The following TRIP12 variants were observed in gnomAD, a reference collection of about 807,000 sequenced individuals.
TRIP12 encodes the protein E3 ubiquitin-protein ligase TRIP12.
A neutral mutation model predicts 244.2 loss-of-function variants in TRIP12; 25 were observed. The ratio of observed to expected loss-of-function variants is 0.10; its 90% CI spans 0.07 to 0.14. The LOEUF is 0.14. TRIP12 is among the 10% of genes least tolerant of loss of function. The pLI, the probability that TRIP12 is intolerant of heterozygous loss-of-function variation, is 1.00. For synonymous variants in TRIP12, 905 were observed against 873.1 expected, an observed-to-expected ratio of 1.04 and a Z score of -0.64; for missense variants, 1,677 against 2,486.4, an observed-to-expected ratio of 0.67 and a Z score of 6.92.
In TRIP12 at chr2:229,767,635, C is replaced by T. The variant is rs747909233; in HGVS notation, c.6123G>A (p.Pro2041=). ...GCATTATCTCAATGCTTGAATAGTC[C>T]GGCAACTTAAGATAGTTCACACAAG... The part of the protein sequence containing the change: ...VMTCVNYLKL[P]DYSSIEIMRE... The change falls in exon 42 of 42, where the codon CCG becomes CCA. Residue 2041 remains proline (P), a synonymous_variant. Transcript: ENST00000675903. 3.7e-5 allele frequency: 59 copies of T among 1,613,954 alleles called. No homozygotes were observed. The highest frequency in any genetic ancestry group is 2.8e-4 in the Admixed American group (17 of 59,994).
chr2:229,878,921 A>G (rs2064230468), intron 2 of TRIP12, among the ~76,000 whole-genome samples: 1 of 151,368 alleles, frequency 6.6e-6, no homozygotes, highest in Non-Finnish European at 1.5e-5. Context: ...ATATGCATTC[A>G]TGGTTATGGC....
chr2:229,904,202 GA>G (rs1221667954), intron 1 of TRIP12, among the ~76,000 whole-genome samples: 10 of 152,082 alleles, frequency 6.6e-5, no homozygotes, highest in Non-Finnish European at 1.5e-4. Flanking sequence ...TGGATCACCT[GA>G]GGTCAGAAGT....
At chr2:229,793,260 A>G in intron 26 of TRIP12, 115 bp from the exon 27 acceptor site, 1 of 1,012,332 alleles carries the variant, frequency 9.9e-7, no homozygotes, top group Non-Finnish European at 1.4e-6. Flanking sequence ...ACTAGTACTA[A>G]GCATTTACTT....
chr2:229,783,087 C>G (rs1286088855), intron 34 of TRIP12, among the ~76,000 whole-genome samples: 1 of 152,222 alleles, frequency 6.6e-6, no homozygotes, highest in Non-Finnish European at 1.5e-5. Flanking sequence ...GCAAGCTATA[C>G]AACTGGCGGG....
intron 5 of TRIP12, among the ~76,000 whole-genome samples, chr2:229,837,446 C>T (rs1391778337): frequency 6.6e-6 from 1 of 152,032 alleles, no homozygotes; most frequent in Non-Finnish European, 1.5e-5. Context: ...ACCAGCCTGA[C>T]CAACATGATG....
intron 2 of TRIP12, among the ~76,000 whole-genome samples, chr2:229,871,446 C>T (rs1021331291): frequency 6.6e-6 from 1 of 152,154 alleles, no homozygotes; most frequent in Non-Finnish European, 1.5e-5. Context: ...AATGCCAATG[C>T]CCTTGGGGTG....
intron 26 of TRIP12, among the ~76,000 whole-genome samples, chr2:229,793,782 C>T (rs903460671): frequency 6.6e-6 from 1 of 152,014 alleles, no homozygotes; most frequent in Non-Finnish European, 1.5e-5. Context: ...CCACAGGCCA[C>T]ATGCAGCCCA....
In TRIP12 at chr2:229,900,238, G is replaced by A. The variant is rs913503703; in HGVS notation, c.-49-20110C>T. ...AAACAGAAACCTGGTAAATTGTTTC[G>A]CAAAAAGTAGAGTCATCACTATACT... On this transcript the variant is annotated intron_variant, in intron 1 of 41. Transcript: ENST00000675903. 5.3e-5 allele frequency among the ~76,000 whole-genome samples: 8 copies of A among 152,092 alleles called. No homozygotes were observed. In the East Asian group the frequency reaches 7.7e-4, roughly 15 times the overall value.
At chr2:229,844,774 G>A (rs1334298423) in intron 4 of TRIP12, among the ~76,000 whole-genome samples, 1 of 152,210 alleles carries the variant, frequency 6.6e-6, no homozygotes, top group African/African-American at 2.4e-5. Context: ...AATAATTACT[G>A]TTATCTTCCA....
In TRIP12 at chr2:229,778,864, G is replaced by C. The variant is rs1475656122; in HGVS notation, c.5209+12C>G. 1.2e-6 allele frequency: 2 copies of C among 1,610,176 alleles called. No individual in the cohort carries two copies. The highest frequency in any genetic ancestry group is 1.7e-5 in the Admixed American group (1 of 59,972). ...AGTAACACAAACCAACTAACTTACA[G>C]ATAGGCATTACCTTTTGGATTGCTA... On this transcript the variant is annotated intron_variant, in intron 35 of 41. Coordinates refer to ENST00000675903, the MANE Select transcript of TRIP12 (RefSeq NM_001348323.3). The surrounding 1 kb of genome is among the most constrained non-coding windows in gnomAD (Gnocchi z 4.1).
intron 1 of TRIP12, among the ~76,000 whole-genome samples, chr2:229,905,427 C>T (rs1000726725): frequency 2.6e-5 from 4 of 152,114 alleles, no homozygotes; most frequent in Non-Finnish European, 5.9e-5. Context: ...AAACGTTATA[C>T]ACAATAATGA....
chr2:229,894,208 T>C (rs546864341), intron 1 of TRIP12: 1 of 152,294 alleles, frequency 6.6e-6, no homozygotes, highest in South Asian at 2.1e-4. Context: ...CTTATTATTG[T>C]TCTAATACGT....
At chr2:229,891,331 G>A (rs1038566786) in intron 1 of TRIP12, among the ~76,000 whole-genome samples, 1 of 152,194 alleles carries the variant, frequency 6.6e-6, no homozygotes, top group Non-Finnish European at 1.5e-5. Context: ...AAGCTGAGGT[G>A]GGAGGACTGC....
intron 5 of TRIP12, among the ~76,000 whole-genome samples, chr2:229,839,268 C>T (rs1052869730): frequency 1.1e-4 from 16 of 152,182 alleles, no homozygotes; most frequent in Non-Finnish European, 2.1e-4. Flanking sequence ...GGCTACCACA[C>T]GGCCTAGATG....
chr2:229,768,863 G>A (rs955431261), intron 40 of TRIP12, 144 bp from the exon 41 acceptor site: 27 of 658,886 alleles, frequency 4.1e-5, no homozygotes, highest in Middle Eastern at 4.4e-4. Context: ...ACTTAAATTC[G>A]TTTCTGTTAT....
Position 229,796,700 on chromosome 2 carries a change from C to T in TRIP12, c.3707G>A (p.Ser1236Asn). Residue 1236 changes from serine to asparagine, a missense_variant, in exon 25 of 42, where the codon AGT becomes AAT. Coordinates refer to ENST00000675903, the MANE Select transcript of TRIP12 (RefSeq NM_001348323.3). ...SDVSSFEIQH[S>N]GFVKQLLLYL... ...AAGCAACAGCTGCTTCACAAATCCA[C>T]TATGTTGGATTTCAAATGATGAAAC... The T allele has an allele frequency of 1.2e-6, 2 of 1,612,402 alleles. No individual in the cohort carries two copies. The highest frequency in any genetic ancestry group is 1.7e-4 in the Middle Eastern group (1 of 6,054).
chr2:229,822,470 G>A (rs1244618304), intron 8 of TRIP12, among the ~76,000 whole-genome samples: 3 of 152,170 alleles, frequency 2.0e-5, no homozygotes, highest in South Asian at 2.1e-4. Context: ...CTAGCAAGAG[G>A]TGAAATGAGT....
At chr2:229,922,191 C>T, upstream of TRIP12, 1 of 241,616 alleles carries the variant, frequency 4.1e-6, no homozygotes, top group Non-Finnish European at 8.2e-6. Flanking sequence ...ACTCTCTCAG[C>T]AGCCTCCGAT....
At chr2:229,862,518 AC>A (rs1434730116) in intron 2 of TRIP12, among the ~76,000 whole-genome samples, 1 of 152,222 alleles carries the variant, frequency 6.6e-6, no homozygotes, top group Admixed American at 6.5e-5. Flanking sequence ...CACGTTTTCT[AC>A]TTTATTTCAT....
Sources: allele counts gnomAD v4.1 joint callset (sites outside exome capture counted in the v4.1 genomes callset), GRCh38; gene constraint gnomAD v4.1.1; non-coding constraint Gnocchi (gnomAD v3.1); transcripts MANE v1.5; gene names NCBI Gene and HGNC (gene_info 2026-07-23, HGNC 2026-07-21).